The following ACSL1 variants were observed in gnomAD, a reference collection of about 807,000 sequenced individuals.
ACSL1 encodes the protein acyl-CoA synthetase long chain family member 1, also known as long-chain-fatty-acid--CoA ligase 1.
In ACSL1, 41 loss-of-function variants were observed where a neutral mutation model predicts 98.4. The observed-to-expected ratio is 0.42, with a 90% CI of 0.32 to 0.54. The LOEUF is 0.54. ACSL1 is among the 20% of genes least tolerant of loss of function. The pLI is 0.13. For synonymous variants in ACSL1, 316 were observed against 322.7 expected, an observed-to-expected ratio of 0.98 and a Z score of 0.22; for missense variants, 734 against 883.1, an observed-to-expected ratio of 0.83 and a Z score of 2.14.
At chr4:184,816,395 T>C (rs977051457) in intron 1 of ACSL1, among the ~76,000 whole-genome samples, 3 of 151,982 alleles carry the variant, frequency 2.0e-5, no homozygotes, top group Admixed American at 6.6e-5. Context: ...CTCAGGTAAC[T>C]ATAAAAAGAG....
chr4:184,807,287 T>C (rs370619187), intron 1 of ACSL1, among the ~76,000 whole-genome samples: 1 of 152,366 alleles, frequency 6.6e-6, no homozygotes, highest in Admixed American at 6.5e-5. Context: ...AGGAAATTTA[T>C]AGCCTGGGCA....
intron 1 of ACSL1, chr4:184,815,034 A>G (rs943967300): frequency 1.3e-5 from 6 of 456,214 alleles, no homozygotes; most frequent in African/African-American, 8.0e-5. Context: ...TAGGATATCA[A>G]TGAAGACAAA....
chr4:184,768,955 G>A (rs980139187), intron 11 of ACSL1, among the ~76,000 whole-genome samples: 1 of 152,022 alleles, frequency 6.6e-6, no homozygotes, highest in African/African-American at 2.4e-5. Flanking sequence ...CATAGTCCCA[G>A]CGACTCAGGA....
intron 1 of ACSL1, among the ~76,000 whole-genome samples, chr4:184,817,488 C>A (rs1166623466): frequency 6.6e-6 from 1 of 152,158 alleles, no homozygotes; most frequent in East Asian, 1.9e-4. Flanking sequence ...GGGGCATACA[C>A]CCCACTCTGG....
chr4:184,779,965 C>T (rs1237822388), intron 5 of ACSL1, among the ~76,000 whole-genome samples: 9 of 151,932 alleles, frequency 5.9e-5, no homozygotes, highest in African/African-American at 1.9e-4. Flanking sequence ...CTCTGCCTCC[C>T]GGATTCAAGC....
chr4:184,815,367 C>T (rs940875577), intron 1 of ACSL1, among the ~76,000 whole-genome samples: 13 of 152,120 alleles, frequency 8.5e-5, no homozygotes, highest in Non-Finnish European at 1.6e-4. Context: ...CTCTCTCTCT[C>T]CCATGACAGC....
At chr4:184,810,722 G>A (rs1002007833) in intron 1 of ACSL1, among the ~76,000 whole-genome samples, 5 of 147,314 alleles carry the variant, frequency 3.4e-5, no homozygotes, top group African/African-American at 1.4e-4. Flanking sequence ...GGGCTCAAGC[G>A]GATAGGATAG....
chr4:184,794,935 T>C (rs1769082025), intron 2 of ACSL1, among the ~76,000 whole-genome samples: 1 of 152,068 alleles, frequency 6.6e-6, no homozygotes, highest in Non-Finnish European at 1.5e-5. Context: ...GAGGATTTGC[T>C]GAAGAGGGAC....
At chr4:184,758,241 T>G in intron 18 of ACSL1, 1 of 266,208 alleles carries the variant, frequency 3.8e-6, no homozygotes. Flanking sequence ...AACAAGGTGA[T>G]GGATATCAGA....
In ACSL1 at chr4:184,769,859, A is replaced by G. The variant is rs3792313; in HGVS notation, c.993+540T>C. Among the ~76,000 whole-genome samples the G allele has an allele frequency of 5.5e-3, 842 of 152,320 alleles. 20 individuals are homozygous for G. Among genetic ancestry groups the G allele is most frequent in the South Asian group, 0.05 (239 of 4,824 alleles). ...AGTTTTAAAATTAGTCACACAGTTG[A>G]TTACAGGGAGCCTAGGCAAAGGTCA... is the stretch of plus-strand genomic sequence containing the variant. On this transcript the variant is annotated intron_variant, in intron 11 of 20. Transcript: ENST00000281455.
At chr4:184,797,086 A>G (rs1466187841) in intron 2 of ACSL1, among the ~76,000 whole-genome samples, 3 of 152,142 alleles carry the variant, frequency 2.0e-5, no homozygotes, top group African/African-American at 7.2e-5. Context: ...CACTCCTGGC[A>G]GTTTCCACTA....
At chr4:184,791,327 G>C (rs1017970226) in intron 2 of ACSL1, among the ~76,000 whole-genome samples, 1 of 152,178 alleles carries the variant, frequency 6.6e-6, no homozygotes, top group African/African-American at 2.4e-5. Context: ...GGGACTCCAG[G>C]GAACCCTGGC....
At chr4:184,805,800 C>T (rs1008930880) in intron 1 of ACSL1, 7 of 152,274 alleles carry the variant, frequency 4.6e-5, no homozygotes, top group Middle Eastern at 3.2e-3. Flanking sequence ...CCCCACTGCT[C>T]CACCCATGGG....
At chr4:184,770,165 T>A in intron 11 of ACSL1, 1 of 1,205,580 alleles carries the variant, frequency 8.3e-7, no homozygotes, top group Non-Finnish European at 1.1e-6. Flanking sequence ...GAAAAAGAAT[T>A]TATATTCTTT....
At chr4:184,762,368 G>C in intron 17 of ACSL1, 39 bp downstream of exon 17, 2 of 1,518,558 alleles carry the variant, frequency 1.3e-6, no homozygotes, top group South Asian at 2.2e-5. Flanking sequence ...CCCCACAGTG[G>C]AACTGAACTG....
At chr4:184,765,850 T>A (rs767917865) in intron 14 of ACSL1, 41 bp downstream of exon 14, 7 of 1,579,802 alleles carry the variant, frequency 4.4e-6, no homozygotes, top group South Asian at 1.1e-5. Flanking sequence ...GGACTGGGCA[T>A]CCTAGTGTGG....
Position 184,766,570 on chromosome 4 carries a change from T to C in ACSL1, c.1263+52A>G. Reference sequence around the variant, plus strand: ...CACAAAAAAGGCCCTCCCAGAACTCTGAAAAGCGAAGTCGGTTTCCATGGG... The same window carrying C: ...CACAAAAAAGGCCCTCCCAGAACTCCGAAAAGCGAAGTCGGTTTCCATGGG... On this transcript the variant is annotated intron_variant, in intron 13 of 20. Coordinates refer to ENST00000281455, the MANE Select transcript of ACSL1 (RefSeq NM_001995.5). This position sits in a 1 kb window ranked among gnomAD's most constrained non-coding sequence, Gnocchi z 4.8. 1 of 1,587,962 alleles carries C rather than the reference T, an allele frequency of 6.3e-7. No homozygotes were observed. The highest frequency in any genetic ancestry group is 1.7e-5 in the Admixed American group (1 of 58,068).
intron 15 of ACSL1, 105 bp downstream of exon 15, chr4:184,764,744 TTTTG>T: frequency 1.0e-6 from 1 of 1,000,654 alleles, no homozygotes; most frequent in Non-Finnish European, 1.5e-6. Context: ...AACATAGCAC[TTTTG>T]TTTAAGATGG....
chr4:184,778,844 A>G (rs1431012548), intron 5 of ACSL1, among the ~76,000 whole-genome samples: 2 of 152,208 alleles, frequency 1.3e-5, no homozygotes, highest in East Asian at 3.8e-4. Context: ...TTGGGATGAA[A>G]AAAACTAAAT....
Sources: allele counts gnomAD v4.1 joint callset (sites outside exome capture counted in the v4.1 genomes callset), GRCh38; gene constraint gnomAD v4.1.1; non-coding constraint Gnocchi (gnomAD v3.1); transcripts MANE v1.5; gene names NCBI Gene and HGNC (gene_info 2026-07-23, HGNC 2026-07-21).